Variants in GPC3 observed in about 807,000 individuals in gnomAD.
The protein encoded by GPC3 is glypican-3.
In GPC3, 3 loss-of-function variants were observed where a neutral mutation model predicts 34.4. The observed-to-expected ratio is 0.09, with a 90% CI of 0.04 to 0.23. The LOEUF (loss-of-function observed/expected upper bound fraction) is 0.23. GPC3 is among the 10% of genes least tolerant of loss of function. The pLI is 1.00. For missense variants in GPC3, 351 were observed against 445.6 expected (o/e 0.79, Z 1.91); for synonymous variants, 177 against 174.0 (o/e 1.02, Z -0.13).
rs1343463295 is a variant in GPC3 at position 133,611,245 on chromosome X, G to T, written c.1414-14646C>A. Among the ~76,000 whole-genome samples the T allele has an allele frequency of 9.1e-5, 10 of 109,354 alleles. No individual in the cohort carries two copies. In the Admixed American group the frequency reaches 9.8e-4, roughly 11 times the overall value. The allele number at this position is 109,354 out of a possible 115,157, so 95.0% of individuals were successfully genotyped here. On this transcript the variant is annotated intron_variant, in intron 6 of 7. Transcript: ENST00000370818. ...GGTGTGGGTGGGGGTGTGGTGGGGG[G>T]TGGAGCATGAAGCAGCCAATTTCCA...
At chrX:133,965,443 G>C (rs1410025034) in intron 1 of GPC3, among the ~76,000 whole-genome samples, 4 of 110,813 alleles carry the variant, frequency 3.6e-5, no homozygotes, top group South Asian at 7.9e-4. Flanking sequence ...AGAGACACAA[G>C]AAGAGTAAAA....
intron 2 of GPC3, among the ~76,000 whole-genome samples, chrX:133,840,615 A>T (rs1208522169): frequency 9.0e-6 from 1 of 110,677 alleles, no homozygotes; most frequent in Non-Finnish European, 1.9e-5. Context: ...CATCATCATC[A>T]TCTTCATCAC....
At chrX:133,685,628 G>C (rs2070992484) in intron 5 of GPC3, among the ~76,000 whole-genome samples, 1 of 110,478 alleles carries the variant, frequency 9.1e-6, no homozygotes, top group Non-Finnish European at 1.9e-5. Flanking sequence ...ATAAGATAAA[G>C]AGGAGGCAGA....
intron 1 of GPC3, 110 bp from the exon 2 acceptor site, chrX:133,953,321 C>A (rs2076401794): frequency 6.7e-6 from 4 of 598,125 alleles, no homozygotes; most frequent in African/African-American, 2.3e-5. Flanking sequence ...GCAAACAGGG[C>A]AAACAATGCA....
intron 5 of GPC3, among the ~76,000 whole-genome samples, chrX:133,691,594 A>AT (rs1482811712): frequency 2.7e-5 from 3 of 111,564 alleles, no homozygotes; most frequent in Non-Finnish European, 3.8e-5. Context: ...GTGAAATGGT[A>AT]TTCCTCTTTC....
At chrX:133,922,821 C>T (rs1191759816) in intron 2 of GPC3, among the ~76,000 whole-genome samples, 1 of 111,207 alleles carries the variant, frequency 9.0e-6, no homozygotes, top group Non-Finnish European at 1.9e-5. Context: ...GTTCTGTCTG[C>T]TGGTAAGGAT....
chrX:133,811,890 T>G (rs1255195170), intron 2 of GPC3, among the ~76,000 whole-genome samples: 1 of 111,940 alleles, frequency 8.9e-6, no homozygotes, highest in Non-Finnish European at 1.9e-5. Flanking sequence ...GGGGGCTACT[T>G]AAAAGAAATT....
intron 2 of GPC3, among the ~76,000 whole-genome samples, chrX:133,776,000 T>C (rs1444667425): frequency 9.0e-6 from 1 of 111,700 alleles, no homozygotes; most frequent in Non-Finnish European, 1.9e-5. Context: ...AACTGTGGTG[T>C]GCATAGCAAA....
intron 2 of GPC3, among the ~76,000 whole-genome samples, chrX:133,808,615 A>C (rs898635244): frequency 7.2e-5 from 8 of 111,639 alleles, no homozygotes; most frequent in Non-Finnish European, 1.5e-4. Flanking sequence ...TTGGAGCCAG[A>C]CAAATCTGCA....
intron 6 of GPC3, among the ~76,000 whole-genome samples, chrX:133,604,482 C>A (rs967959777): frequency 2.7e-5 from 3 of 111,414 alleles, no homozygotes; most frequent in Admixed American, 9.6e-5. Flanking sequence ...TTGTCATCTA[C>A]TGTGTTTTAA....
At chrX:133,858,104 A>C (rs2075914754) in intron 2 of GPC3, among the ~76,000 whole-genome samples, 1 of 111,536 alleles carries the variant, frequency 9.0e-6, no homozygotes, top group Non-Finnish European at 1.9e-5. Flanking sequence ...GAACAATGGG[A>C]AACTCAGGAA....
chrX:133,840,523 T>C (rs767649616), intron 2 of GPC3, among the ~76,000 whole-genome samples: 2 of 111,192 alleles, frequency 1.8e-5, no homozygotes, highest in South Asian at 7.7e-4. Flanking sequence ...GATGGTTAAA[T>C]GAGATAATGC....
intron 6 of GPC3, among the ~76,000 whole-genome samples, chrX:133,617,922 C>A (rs1460081184): frequency 9.0e-6 from 1 of 111,413 alleles, no homozygotes; most frequent in Non-Finnish European, 1.9e-5. Context: ...CTGTGCCCAG[C>A]CCCTAGTTTT....
At chrX:133,816,554 G>A (rs1393917761) in intron 2 of GPC3, among the ~76,000 whole-genome samples, 2 of 111,746 alleles carry the variant, frequency 1.8e-5, no homozygotes, top group Non-Finnish European at 3.8e-5. Flanking sequence ...CAAATTACAT[G>A]TATTATTTCA....
chrX:133,908,393 A>G, intron 2 of GPC3, among the ~76,000 whole-genome samples: 1 of 110,703 alleles, frequency 9.0e-6, no homozygotes, highest in East Asian at 2.8e-4. Flanking sequence ...TGCCCTAACA[A>G]AGTCCTCACA....
chrX:133,650,499 T>A (rs926982898), intron 6 of GPC3, among the ~76,000 whole-genome samples: 1 of 109,100 alleles, frequency 9.2e-6, no homozygotes, highest in Non-Finnish European at 1.9e-5. Context: ...ATATAAAAAA[T>A]CGTCTTCATT....
chrX:133,876,580 G>C (rs1157391982), intron 2 of GPC3, among the ~76,000 whole-genome samples: 1 of 112,446 alleles, frequency 8.9e-6, no homozygotes, highest in African/African-American at 3.2e-5. Context: ...GCAGAGTCCA[G>C]ACAGGGCTCC....
chrX:133,619,385 A>G (rs1037251971), intron 6 of GPC3, among the ~76,000 whole-genome samples: 49 of 112,475 alleles, frequency 4.4e-4, no homozygotes, highest in Non-Finnish European at 1.3e-4. Context: ...TCGTACACCA[A>G]TGTTTGTGGT....
chrX:133,883,567 A>C (rs1160949395), intron 2 of GPC3, among the ~76,000 whole-genome samples: 1 of 112,116 alleles, frequency 8.9e-6, no homozygotes, highest in Non-Finnish European at 1.9e-5. Flanking sequence ...ACTTAAGTTG[A>C]AGGATAACAG....
Sources: gnomAD v4.1 joint callset for allele counts (sites outside exome capture counted in the v4.1 genomes callset) on GRCh38, gnomAD v4.1.1 for gene constraint, MANE v1.5 for transcripts, NCBI Gene and HGNC (gene_info 2026-07-23, HGNC 2026-07-21) for gene names.